OSBP2: variants seen among roughly 807,000 people sequenced by gnomAD.
OSBP2 encodes oxysterol binding protein 2.
Under a neutral mutation model 96.0 loss-of-function variants are expected in OSBP2, and 66 were observed. The ratio of observed to expected loss-of-function variants is 0.69; its 90% CI spans 0.56 to 0.84. The LOEUF is 0.84. Ranked by LOEUF, OSBP2 falls within the 40% of genes least tolerant of loss-of-function variation. The probability of loss-of-function intolerance (pLI) is 0.00; values close to 1 mark genes in which losing one functional copy is unlikely to be tolerated. For missense variants in OSBP2, 1,038 were observed against 1,222.7 expected, an observed-to-expected ratio of 0.85 and a Z score of 2.25; for synonymous variants, 525 against 520.9, an observed-to-expected ratio of 1.01 and a Z score of -0.11.
At chr22:30,764,113 G>T (rs11912355) in intron 2 of OSBP2, 1 of 327,256 alleles carries the variant, frequency 3.1e-6, no homozygotes, top group Non-Finnish European at 4.4e-6. Context: ...CTTCACTTCT[G>T]GGGGGCTAGC....
At chr22:30,802,380 C>G (rs1324739627) in intron 2 of OSBP2, among the ~76,000 whole-genome samples, 1 of 152,236 alleles carries the variant, frequency 6.6e-6, no homozygotes, top group Non-Finnish European at 1.5e-5. Context: ...CCCCTAGTTC[C>G]CGAGATAGAC....
chr22:30,851,892 T>C (rs893972906), intron 2 of OSBP2, among the ~76,000 whole-genome samples: 1 of 152,198 alleles, frequency 6.6e-6, no homozygotes, highest in African/African-American at 2.4e-5. Context: ...AATGCTTTTT[T>C]AGTATTTCTG....
chr22:30,789,984 T>C (rs2090649181), intron 2 of OSBP2, among the ~76,000 whole-genome samples: 1 of 152,200 alleles, frequency 6.6e-6, no homozygotes, highest in Non-Finnish European at 1.5e-5. Context: ...TGTACCCCTC[T>C]ATACATGTGA....
At chr22:30,739,974 T>C (rs1160487465) in intron 1 of OSBP2, among the ~76,000 whole-genome samples, 1 of 152,056 alleles carries the variant, frequency 6.6e-6, no homozygotes, top group Non-Finnish European at 1.5e-5. Context: ...GCCTCCCGAG[T>C]AGCTGGGATT....
intron 1 of OSBP2, among the ~76,000 whole-genome samples, chr22:30,725,398 C>T (rs2089629353): frequency 6.6e-6 from 1 of 151,714 alleles, no homozygotes. Flanking sequence ...ATCCCAGCTA[C>T]TACTCGGGAG....
chr22:30,733,312 T>C (rs1039761564), intron 1 of OSBP2, among the ~76,000 whole-genome samples: 2 of 152,194 alleles, frequency 1.3e-5, no homozygotes, highest in South Asian at 4.1e-4. Context: ...TGCAGCAAAC[T>C]GTAAGGCTCA....
Position 30,767,138 on chromosome 22 carries a change from C to CAAAAA in OSBP2, c.853+25787_853+25791dup, listed in dbSNP as rs1156950666. The stretch of plus-strand genomic sequence containing the variant: ...TGAAATCCCATCTCTACTAAAAATA[C>CAAAAA]AAAAAAAAAAAAAAAAAAAAAATTA... On this transcript the variant is annotated intron_variant, in intron 2 of 13. Transcript: ENST00000332585. Among the ~76,000 whole-genome samples the CAAAAA allele has an allele frequency of 1.6e-3, 126 of 78,450 alleles. 3 individuals are homozygous for CAAAAA. Among genetic ancestry groups the CAAAAA allele is most frequent in the African/African-American group, 4.6e-3 (98 of 21,250 alleles). 51.5% of individuals were successfully genotyped at this position (78,450 alleles called of 152,430 possible).
intron 2 of OSBP2, among the ~76,000 whole-genome samples, chr22:30,846,826 A>C (rs989803243): frequency 6.6e-6 from 1 of 152,044 alleles, no homozygotes; most frequent in African/African-American, 2.4e-5. Context: ...CTTTTTATGT[A>C]TTGCTGGATT....
chr22:30,822,464 C>CCGGGTGG (rs2038294850), intron 2 of OSBP2: 3 of 1,269,992 alleles, frequency 2.4e-6, no homozygotes, highest in South Asian at 2.1e-5. Flanking sequence ...CGCTCATGTA[C>CCGGGTGG]CGGGTGGCGG....
intron 2 of OSBP2, among the ~76,000 whole-genome samples, chr22:30,814,220 T>G (rs959263052): frequency 6.6e-6 from 1 of 151,862 alleles, no homozygotes; most frequent in Non-Finnish European, 1.5e-5. Flanking sequence ...ACAACAGAAA[T>G]TGATTCTGTC....
chr22:30,776,060 T>G (rs951261068), intron 2 of OSBP2, among the ~76,000 whole-genome samples: 1 of 151,964 alleles, frequency 6.6e-6, no homozygotes, highest in Non-Finnish European at 1.5e-5. Context: ...CCTCCCAAAG[T>G]GTTAGGATTA....
At chr22:30,873,972 C>T (rs1044394503) in intron 3 of OSBP2, among the ~76,000 whole-genome samples, 5 of 152,188 alleles carry the variant, frequency 3.3e-5, no homozygotes, top group African/African-American at 1.2e-4. Context: ...TGTGGTGGCT[C>T]ACACCTGTAA....
chr22:30,839,587 C>A (rs2038705536), intron 2 of OSBP2, among the ~76,000 whole-genome samples: 1 of 152,028 alleles, frequency 6.6e-6, no homozygotes, highest in Non-Finnish European at 1.5e-5. Flanking sequence ...ATTTGCATTT[C>A]TCTGATGGCC....
intron 12 of OSBP2, among the ~76,000 whole-genome samples, chr22:30,895,931 G>T (rs1417505564): frequency 6.6e-6 from 1 of 150,758 alleles, no homozygotes; most frequent in East Asian, 2.0e-4. Flanking sequence ...AAAAAAAAAT[G>T]AAAACAGTAT....
At position 30,870,299 on chromosome 22, in the gene OSBP2, C is replaced by T. The variant is rs762016195; in HGVS notation, c.854-130C>T. 3.6e-5 allele frequency: 35 copies of T among 959,438 alleles called. No individual in the cohort carries two copies. Among genetic ancestry groups the T allele is most frequent in the Admixed American group, 4.7e-5 (2 of 42,432 alleles). The allele number at this position is 959,438 out of a possible 1,614,324, so 59.4% of individuals were successfully genotyped here. On this transcript the variant is annotated intron_variant, in intron 2 of 13. Transcript: ENST00000332585. This position sits in a 1 kb window ranked among gnomAD's most constrained non-coding sequence, Gnocchi z 4.1. ...ACCTCACCCCGGCCAGGAACAGGAACGGGCACCATCTCGGGGACTGATGTT... is the reference window on the plus strand; with the variant it reads ...ACCTCACCCCGGCCAGGAACAGGAATGGGCACCATCTCGGGGACTGATGTT...
Position 30,888,331 on chromosome 22 carries a change from A to G in OSBP2, c.1409A>G (p.Lys470Arg), listed in dbSNP as rs768629185. ...TSFITVITEA[K>R]EDSRKAEGST... ...TTCATCACCGTGATCACCGAGGCCA[A>G]GGAAGACAGGTAAGGTGGCTGCAGC... The change falls in exon 5 of 14, where the codon AAG becomes AGG. Residue 470 changes from lysine (K) to arginine (R), a missense_variant. This residue lies in a region of OSBP2 where 737 missense variants were observed against 913.3 expected (regional missense o/e 0.81). Coordinates refer to ENST00000332585, the MANE Select transcript of OSBP2 (RefSeq NM_030758.4). The G allele has an allele frequency of 1.9e-6, 3 of 1,607,592 alleles. No homozygotes were observed. The highest frequency in any genetic ancestry group is 2.2e-5 in the East Asian group (1 of 44,880).
chr22:30,877,735 C>T lies in OSBP2; in HGVS notation c.1107+7053C>T, dbSNP rs542530750. On this transcript the variant is annotated intron_variant, in intron 3 of 13. Coordinates refer to ENST00000332585, the MANE Select transcript of OSBP2 (RefSeq NM_030758.4). ...GGGCTTGTTCCTGCTGCTGTCCCTC[C>T]AGTCCCTGCAGGCGGGGCCCAGGCA... is the stretch of plus-strand genomic sequence containing the variant. Among the ~76,000 whole-genome samples the T allele has an allele frequency of 1.4e-3, 211 of 152,350 alleles. 1 individual carries two copies. The highest frequency in any genetic ancestry group is 4.8e-3 in the African/African-American group (199 of 41,584).
At position 30,864,289 on chromosome 22, in the gene OSBP2, C is replaced by T. The variant is rs535888727; in HGVS notation, c.854-6140C>T. On this transcript the variant is annotated intron_variant, in intron 2 of 13. Transcript: ENST00000332585. ...TATTTGGATACCTCAAATGTGACTC[C>T]AGTTAGCCAGAGGCTGGTGAACGGG... is the stretch of plus-strand genomic sequence containing the variant. Among the ~76,000 whole-genome samples, 4 of 152,274 alleles carry T rather than the reference C, an allele frequency of 2.6e-5. No individual in the cohort carries two copies. The South Asian group carries it at 8.3e-4, about 32-fold the overall frequency.
intron 2 of OSBP2, among the ~76,000 whole-genome samples, chr22:30,844,841 C>A (rs893891644): frequency 2.0e-5 from 3 of 152,292 alleles, no homozygotes; most frequent in Non-Finnish European, 4.4e-5. Flanking sequence ...ACTAAGCTTA[C>A]TGGTTTTTAG....
Sources: allele counts gnomAD v4.1 joint callset (sites outside exome capture counted in the v4.1 genomes callset), GRCh38; gene constraint gnomAD v4.1.1; regional missense constraint gnomAD v4.1.1; non-coding constraint Gnocchi (gnomAD v3.1); transcripts MANE v1.5; gene names NCBI Gene and HGNC (gene_info 2026-07-23, HGNC 2026-07-21).